Variants in LINGO2 observed in about 807,000 individuals in gnomAD.
The protein encoded by LINGO2 is leucine-rich repeat and immunoglobulin-like domain-containing nogo receptor-interacting protein 2.
LINGO2 carries 14 observed loss-of-function variants against 30.6 expected under a neutral mutation model. The ratio of observed to expected loss-of-function variants is 0.46; its 90% CI spans 0.30 to 0.72. The LOEUF is 0.72. LINGO2 is among the 30% of genes least tolerant of loss of function. The pLI is 0.07. For missense variants in LINGO2, 729 were observed against 751.7 expected (o/e 0.97, Z 0.35); for synonymous variants, 317 against 288.5 (o/e 1.10, Z -1.00).
intron 1 of LINGO2, among the ~76,000 whole-genome samples, chr9:28,652,888 C>A (rs1486731758): frequency 6.6e-6 from 1 of 151,820 alleles, no homozygotes; most frequent in African/African-American, 2.4e-5. Context: ...TAGTGAGACA[C>A]CAGATTTGAA....
chr9:29,009,165 T>A, the LINGO2 span, among the ~76,000 whole-genome samples: 2 of 152,058 alleles, frequency 1.3e-5, no homozygotes, highest in Admixed American at 6.6e-5. Flanking sequence ...TTCAACATAG[T>A]ATTGGAAGTT....
At chr9:28,349,907 T>C (rs1819780066) in intron 3 of LINGO2, among the ~76,000 whole-genome samples, 1 of 152,084 alleles carries the variant, frequency 6.6e-6, no homozygotes, top group African/African-American at 2.4e-5. Flanking sequence ...CTAAGCTTCA[T>C]AAGTGAAGGA....
Position 28,350,951 on chromosome 9 carries a change from C to T in LINGO2, c.-246+21885G>A, listed in dbSNP as rs1451445986. 6.6e-5 allele frequency among the ~76,000 whole-genome samples: 10 copies of T among 151,808 alleles called. No homozygotes were observed. The South Asian group carries it at 8.4e-4, about 13-fold the overall frequency. On this transcript the variant is annotated intron_variant, in intron 3 of 5. Coordinates refer to ENST00000379992, the Ensembl canonical transcript of LINGO2. The stretch of plus-strand genomic sequence containing the variant: ...AAATAAAGATGTTCTTTGAAACCAA[C>T]GAGAACAAAGACACAACATACCAGA...
At chr9:28,787,744 T>A in the LINGO2 span, among the ~76,000 whole-genome samples, 1 of 152,138 alleles carries the variant, frequency 6.6e-6, no homozygotes, top group Non-Finnish European at 1.5e-5. Context: ...ATTTGAAACA[T>A]CTCTTATTTA....
At chr9:28,555,475 T>C (rs1822607033) in intron 1 of LINGO2, among the ~76,000 whole-genome samples, 1 of 151,562 alleles carries the variant, frequency 6.6e-6, no homozygotes, top group Non-Finnish European at 1.5e-5. Flanking sequence ...AATAGACCAA[T>C]AACAGGATCT....
chr9:29,107,604 T>C, the LINGO2 span, among the ~76,000 whole-genome samples: 2 of 152,152 alleles, frequency 1.3e-5, no homozygotes, highest in Admixed American at 1.3e-4. Flanking sequence ...ACCTCTTGTC[T>C]AGGTAGCTAT....
the LINGO2 span, among the ~76,000 whole-genome samples, chr9:28,773,366 GA>G: frequency 0.058 from 7,635 of 132,160 alleles, 233 homozygotes; most frequent in Non-Finnish European, 0.082. Flanking sequence ...CTCCATCTCA[GA>G]AAAAAAAAAA....
chr9:28,595,147 CTA>C (rs1292749364), intron 1 of LINGO2, among the ~76,000 whole-genome samples: 2 of 152,036 alleles, frequency 1.3e-5, no homozygotes, highest in Non-Finnish European at 2.9e-5. Flanking sequence ...GGCTTCATAT[CTA>C]TCACTTAAGA....
In LINGO2 at chr9:28,354,693, T is replaced by C. The variant is rs532810449; in HGVS notation, c.-246+18143A>G. ...ACATTTTTTCTCCTTGTTTGACCAATAGAAAACAAGTTACACATTTTAAAA... is the reference window on the plus strand; with the variant it reads ...ACATTTTTTCTCCTTGTTTGACCAACAGAAAACAAGTTACACATTTTAAAA... On this transcript the variant is annotated intron_variant, in intron 3 of 5. Transcript: ENST00000379992. 6.4e-4 allele frequency among the ~76,000 whole-genome samples: 97 copies of C among 152,318 alleles called. 2 individuals are homozygous for C. In the South Asian group the frequency reaches 8.7e-3, roughly 14 times the overall value.
the LINGO2 span, among the ~76,000 whole-genome samples, chr9:29,102,041 A>G: frequency 1.3e-4 from 20 of 151,486 alleles, no homozygotes; most frequent in Non-Finnish European, 2.6e-4. Context: ...AGATAAAACT[A>G]TCACACGGAC....
chr9:28,080,522 C>T (rs1563962558), intron 4 of LINGO2: 1 of 152,122 alleles, frequency 6.6e-6, no homozygotes, highest in African/African-American at 2.4e-5. Flanking sequence ...ATAATACCTC[C>T]TTAAAAAAAA....
Position 28,396,302 on chromosome 9 carries a change from A to G in LINGO2, c.-278-23434T>C, listed in dbSNP as rs185122114. On this transcript the variant is annotated intron_variant, in intron 2 of 5. Transcript: ENST00000379992. ...AGTAAATCCAAGTAAGGAAACAGAG[A>G]TATATGGGACTATTTTAGAGAGTCT... Among the ~76,000 whole-genome samples, 9 of 152,272 alleles carry G rather than the reference A, an allele frequency of 5.9e-5. No individual in the cohort carries two copies. In the East Asian group the frequency reaches 1.7e-3, roughly 29 times the overall value.
intron 4 of LINGO2, among the ~76,000 whole-genome samples, chr9:28,171,521 A>C (rs1351731825): frequency 6.6e-6 from 1 of 152,134 alleles, no homozygotes; most frequent in Admixed American, 6.5e-5. Context: ...AGCTCTCAAG[A>C]ACACTAAAAA....
rs568566967 is a variant in LINGO2 at position 28,614,570 on chromosome 9, A to C, written c.-365+55630T>G. Among the ~76,000 whole-genome samples, 25 of 152,284 alleles carry C rather than the reference A, an allele frequency of 1.6e-4. No homozygotes were observed. In the South Asian group the frequency reaches 5.0e-3, roughly 30 times the overall value. On this transcript the variant is annotated intron_variant, in intron 1 of 5. Coordinates refer to ENST00000379992, the Ensembl canonical transcript of LINGO2. ...AAATAAGTTGATAGTGTGAGAGATA[A>C]CTTCTAAAACTAACTGTATAGGCTT...
At chr9:29,079,633 A>AT in the LINGO2 span, among the ~76,000 whole-genome samples, 29,927 of 151,744 alleles carry the variant, frequency 0.2, 3,090 homozygotes, top group African/African-American at 0.24. Context: ...ATCTAGGTTA[A>AT]AGAAATCCTT....
At chr9:28,974,168 G>C in the LINGO2 span, among the ~76,000 whole-genome samples, 1 of 152,168 alleles carries the variant, frequency 6.6e-6, no homozygotes, top group Non-Finnish European at 1.5e-5. Context: ...CAGCACTTTG[G>C]GAGGCCAGGC....
the LINGO2 span, among the ~76,000 whole-genome samples, chr9:28,886,518 T>C: frequency 1.3e-5 from 2 of 152,146 alleles, no homozygotes; most frequent in African/African-American, 4.8e-5. Context: ...ATTAGAGTCT[T>C]ACCTTCCAGG....
the LINGO2 span, among the ~76,000 whole-genome samples, chr9:29,070,169 A>G: frequency 6.6e-6 from 1 of 152,164 alleles, no homozygotes; most frequent in East Asian, 1.9e-4. Context: ...TAGACTCCCT[A>G]TGAGGAACCT....
At chr9:28,404,108 T>C (rs958005865) in intron 2 of LINGO2, among the ~76,000 whole-genome samples, 1 of 152,162 alleles carries the variant, frequency 6.6e-6, no homozygotes, top group African/African-American at 2.4e-5. Context: ...TAACTTTTCT[T>C]TGCTAATACA....
Sources: allele counts gnomAD v4.1 joint callset (sites outside exome capture counted in the v4.1 genomes callset), GRCh38; gene constraint gnomAD v4.1.1; transcripts MANE v1.5; gene names NCBI Gene and HGNC (gene_info 2026-07-23, HGNC 2026-07-21).